Variants in WWOX observed in about 807,000 individuals in gnomAD.
WWOX encodes the protein WW domain-containing oxidoreductase.
In WWOX, 69 loss-of-function variants were observed where a neutral mutation model predicts 46.2. The observed-to-expected ratio is 1.49, with a 90% CI of 1.23 to 1.82. The LOEUF is 1.82. Among genes scored for constraint, WWOX ranks in the 40% most tolerant of loss-of-function variants. WWOX has a pLI of 0.00. For synonymous variants in WWOX, 359 were observed against 202.6 expected (o/e 1.77, Z -6.56); for missense variants, 919 against 542.6 (o/e 1.69, Z -6.89).
At chr16:78,437,961 A>G (rs868293241) in intron 8 of WWOX, among the ~76,000 whole-genome samples, 7 of 152,184 alleles carry the variant, frequency 4.6e-5, no homozygotes, top group East Asian at 1.9e-4. Context: ...TTTAGTATCT[A>G]TATTTATATA....
chr16:78,117,340 C>G (rs1406956900), intron 4 of WWOX, among the ~76,000 whole-genome samples: 2 of 152,048 alleles, frequency 1.3e-5, no homozygotes, highest in Non-Finnish European at 2.9e-5. Flanking sequence ...CCCCAGCTGT[C>G]ACCTTCCGCA....
intron 5 of WWOX, among the ~76,000 whole-genome samples, chr16:78,333,920 C>T (rs189105555): frequency 6.7e-6 from 1 of 148,708 alleles, no homozygotes; most frequent in East Asian, 2.0e-4. Context: ...TCTCCTCCCC[C>T]TCTTCTTCTC....
intron 8 of WWOX, among the ~76,000 whole-genome samples, chr16:78,701,516 A>G (rs911137451): frequency 6.6e-6 from 1 of 151,732 alleles, no homozygotes; most frequent in South Asian, 2.1e-4. Flanking sequence ...TATCTCTTCT[A>G]TCTACCTGTC....
intron 8 of WWOX, among the ~76,000 whole-genome samples, chr16:79,166,328 T>C (rs1185515472): frequency 6.6e-6 from 1 of 152,218 alleles, no homozygotes; most frequent in Non-Finnish European, 1.5e-5. Context: ...CACAGGAGGA[T>C]GGAATTACAT....
intron 8 of WWOX, among the ~76,000 whole-genome samples, chr16:78,939,122 C>T (rs1597178512): frequency 6.6e-6 from 1 of 152,194 alleles, no homozygotes; most frequent in Non-Finnish European, 1.5e-5. Flanking sequence ...ATTTTCTGCC[C>T]ATTGACTTGG....
chr16:78,887,897 G>A (rs1352445311), intron 8 of WWOX, among the ~76,000 whole-genome samples: 4 of 152,128 alleles, frequency 2.6e-5, no homozygotes, highest in African/African-American at 9.7e-5. Flanking sequence ...GACATTTCAT[G>A]TAAAATCTTC....
intron 8 of WWOX, among the ~76,000 whole-genome samples, chr16:78,666,579 G>A (rs1456876982): frequency 2.6e-5 from 4 of 152,190 alleles, no homozygotes; most frequent in African/African-American, 9.7e-5. Context: ...AAGAAATAAA[G>A]CAGATTCCTT....
chr16:78,504,616 C>T (rs1014601965), intron 8 of WWOX, among the ~76,000 whole-genome samples: 1 of 152,162 alleles, frequency 6.6e-6, no homozygotes, highest in Non-Finnish European at 1.5e-5. Context: ...TCTTTCTTTC[C>T]CCTTTAGCAC....
intron 8 of WWOX, among the ~76,000 whole-genome samples, chr16:78,832,864 C>T (rs931473550): frequency 1.3e-5 from 2 of 152,112 alleles, no homozygotes; most frequent in Non-Finnish European, 2.9e-5. Context: ...ATAATTATTT[C>T]ACCAGTGACT....
At chr16:79,078,509 G>A (rs1354303696) in intron 8 of WWOX, among the ~76,000 whole-genome samples, 1 of 152,142 alleles carries the variant, frequency 6.6e-6, no homozygotes, top group Non-Finnish European at 1.5e-5. Context: ...GGTGTCCTCT[G>A]CACACTGTCC....
intron 5 of WWOX, among the ~76,000 whole-genome samples, chr16:78,271,904 C>G (rs11649561): frequency 1.3e-5 from 2 of 152,098 alleles, no homozygotes; most frequent in African/African-American, 4.8e-5. Context: ...TATGGCCTTA[C>G]GTTTTCCGGG....
chr16:78,627,884 A>C lies in WWOX; in HGVS notation c.1056+195132A>C, dbSNP rs191187732. On this transcript the variant is annotated intron_variant, in intron 8 of 8. Coordinates refer to ENST00000566780, the MANE Select transcript of WWOX (RefSeq NM_016373.4). Reference sequence around the variant, plus strand: ...AAATGTCTGGATCAAGAGAGGCAAGAATCCCGTGGATTTGGCGTTGGCCAG... The same window carrying C: ...AAATGTCTGGATCAAGAGAGGCAAGCATCCCGTGGATTTGGCGTTGGCCAG... Among the ~76,000 whole-genome samples the C allele has an allele frequency of 7.9e-5, 12 of 152,324 alleles. No individual in the cohort carries two copies. The East Asian group carries it at 1.4e-3, about 17-fold the overall frequency.
chr16:78,364,890 C>T (rs1387315344), intron 5 of WWOX, among the ~76,000 whole-genome samples: 1 of 151,930 alleles, frequency 6.6e-6, no homozygotes, highest in African/African-American at 2.4e-5. Context: ...TTTTTCTTGT[C>T]TTTATCCCAT....
intron 5 of WWOX, among the ~76,000 whole-genome samples, chr16:78,243,726 G>C (rs959067762): frequency 1.3e-5 from 2 of 152,044 alleles, no homozygotes; most frequent in Non-Finnish European, 2.9e-5. Flanking sequence ...TTTGTATTTT[G>C]CGTAGAGGCA....
intron 8 of WWOX, among the ~76,000 whole-genome samples, chr16:78,735,425 A>T (rs1407510804): frequency 6.6e-6 from 1 of 150,924 alleles, no homozygotes; most frequent in Non-Finnish European, 1.5e-5. Context: ...ACACACACAC[A>T]CTAATATGGT....
intron 8 of WWOX, among the ~76,000 whole-genome samples, chr16:79,129,944 C>G (rs924512417): frequency 1.6e-4 from 24 of 152,196 alleles, no homozygotes; most frequent in African/African-American, 5.8e-4. Flanking sequence ...CCCTTTACCA[C>G]TTTGCCACTT....
chr16:78,731,936 C>G (rs2048980392), intron 8 of WWOX, among the ~76,000 whole-genome samples: 1 of 148,034 alleles, frequency 6.8e-6, no homozygotes, highest in Non-Finnish European at 1.5e-5. Flanking sequence ...CAGCCTTGAA[C>G]TCTGGGCTCA....
chr16:78,520,799 AT>A (rs1301422964), intron 8 of WWOX, among the ~76,000 whole-genome samples: 1 of 152,038 alleles, frequency 6.6e-6, no homozygotes, highest in African/African-American at 2.4e-5. Flanking sequence ...ATGAGGACTG[AT>A]TTTCTGTTCG....
intron 8 of WWOX, among the ~76,000 whole-genome samples, chr16:78,656,166 A>G (rs2047076235): frequency 6.6e-6 from 1 of 152,030 alleles, no homozygotes; most frequent in Non-Finnish European, 1.5e-5. Flanking sequence ...TTCTCATAAC[A>G]TTTGTGTGTG....
Sources: gnomAD v4.1 joint callset for allele counts (sites outside exome capture counted in the v4.1 genomes callset) on GRCh38, gnomAD v4.1.1 for gene constraint, MANE v1.5 for transcripts, NCBI Gene and HGNC (gene_info 2026-07-23, HGNC 2026-07-21) for gene names.